Variants in ERBB2 observed in about 807,000 individuals in gnomAD.
ERBB2 encodes receptor tyrosine-protein kinase erbB-2.
A neutral mutation model predicts 149.0 loss-of-function variants in ERBB2; 61 were observed. That is an observed-to-expected ratio of 0.41 (90% CI 0.33 to 0.51). The LOEUF (loss-of-function observed/expected upper bound fraction) is 0.51, where lower values mean the gene tolerates loss of function less well. ERBB2 is among the 20% of genes least tolerant of loss of function. The probability of loss-of-function intolerance (pLI) is 0.25; values close to 1 mark genes in which losing one functional copy is unlikely to be tolerated. For missense variants in ERBB2, 1,205 were observed against 1,655.1 expected (o/e 0.73, Z 4.72); for synonymous variants, 633 against 678.8 (o/e 0.93, Z 1.05).
Position 39,709,522 on chromosome 17 carries a change from C to T in ERBB2, c.574+70C>T, listed in dbSNP as rs920312507. 3 of 1,564,034 alleles carry T rather than the reference C, an allele frequency of 1.9e-6. No individual in the cohort carries two copies. The African/African-American group carries it at 4.1e-5, about 21-fold the overall frequency. ...ACCCCAGCCGCAAACTCCCAACTTA[C>T]AACCCAGTGCCTGCCCGCCACTGCC... is the stretch of plus-strand genomic sequence containing the variant. On this transcript the variant is annotated intron_variant, in intron 4 of 26. Coordinates refer to ENST00000269571, the MANE Select transcript of ERBB2 (RefSeq NM_004448.4).
chr17:39,723,170 G>A lies in ERBB2; in HGVS notation c.1947-149G>A. On this transcript the variant is annotated intron_variant, in intron 16 of 26. Coordinates refer to ENST00000269571, the MANE Select transcript of ERBB2 (RefSeq NM_004448.4). This position sits in a 1 kb window ranked among gnomAD's most constrained non-coding sequence, Gnocchi z 6.2. The stretch of plus-strand genomic sequence containing the variant: ...TGGAGGCAGCGGGGAGCCAAGGCAG[G>A]TTTTAGAGTAGGAGAGGGTCCAAGC... The A allele has an allele frequency of 3.9e-6, 3 of 779,088 alleles. No homozygotes were observed. In the South Asian group the frequency reaches 5.3e-5, roughly 14 times the overall value. 48.3% of individuals were successfully genotyped at this position (779,088 alleles called of 1,614,324 possible).
chr17:39,724,951 C>T (rs2145856624), intron 20 of ERBB2, 40 bp downstream of exon 20: 1 of 1,608,334 alleles, frequency 6.2e-7, no homozygotes, highest in Non-Finnish European at 8.5e-7. Flanking sequence ...CCGGAGCAAA[C>T]CCCTATGTCC....
chr17:39,715,031 G>T lies in ERBB2; in HGVS notation c.1149-255G>T, dbSNP rs1442336131. Among the ~76,000 whole-genome samples the T allele has an allele frequency of 2.0e-5, 3 of 152,212 alleles. No homozygotes were observed. The East Asian group carries it at 5.8e-4, about 29-fold the overall frequency. Reference sequence around the variant, plus strand: ...GATCCGCCCGCCTCGGCCTCCCAAAGTGCTGGGATTACAGGCGTGAGCCAC... The same window carrying T: ...GATCCGCCCGCCTCGGCCTCCCAAATTGCTGGGATTACAGGCGTGAGCCAC... On this transcript the variant is annotated intron_variant, in intron 9 of 26. Coordinates refer to ENST00000269571, the MANE Select transcript of ERBB2 (RefSeq NM_004448.4).
chr17:39,711,199 CT>C (rs981029281), intron 7 of ERBB2, among the ~76,000 whole-genome samples: 185 of 144,628 alleles, frequency 1.3e-3, no homozygotes, highest in Middle Eastern at 3.7e-3. Flanking sequence ...TGCACCCGGA[CT>C]TTTTTTTTTT....
At chr17:39,718,732 C>T (rs1447492076) in intron 15 of ERBB2, among the ~76,000 whole-genome samples, 4 of 151,978 alleles carry the variant, frequency 2.6e-5, no homozygotes, top group Admixed American at 6.6e-5. Context: ...GACGGATCTA[C>T]CACCTTTATT....
At chr17:39,716,477 C>T (rs2059135404) in intron 13 of ERBB2, 38 bp from the exon 14 acceptor site, 2 of 1,613,418 alleles carry the variant, frequency 1.2e-6, no homozygotes, top group Non-Finnish European at 1.7e-6. Flanking sequence ...GTGCATGGGG[C>T]TCCTCTCAGA....
chr17:39,705,805 A>C (rs1344611644), intron 1 of ERBB2, among the ~76,000 whole-genome samples: 3 of 152,172 alleles, frequency 2.0e-5, no homozygotes, highest in Admixed American at 6.5e-5. Context: ...ACCCCAAGCC[A>C]GCCCTTGTGC....
At chr17:39,711,830 G>C in intron 7 of ERBB2, 98 bp from the exon 8 acceptor site, 1 of 1,437,592 alleles carries the variant, frequency 7.0e-7, no homozygotes, top group South Asian at 1.2e-5. Flanking sequence ...TTTAAGTATT[G>C]GTTGATATTA....
intron 9 of ERBB2, among the ~76,000 whole-genome samples, chr17:39,713,798 G>A (rs1489339608): frequency 6.7e-6 from 1 of 148,958 alleles, no homozygotes; most frequent in Non-Finnish European, 1.5e-5. Context: ...GTGCACACCT[G>A]TAATCCCAGC....
At chr17:39,714,364 C>T (rs1474584153) in intron 9 of ERBB2, among the ~76,000 whole-genome samples, 1 of 152,168 alleles carries the variant, frequency 6.6e-6, no homozygotes, top group African/African-American at 2.4e-5. Flanking sequence ...AGAGCCCAGA[C>T]TTGGGAGCCA....
Position 39,725,637 on chromosome 17 carries a change from G to A in ERBB2, c.2726-70G>A, listed in dbSNP as rs1159592354. On this transcript the variant is annotated intron_variant, in intron 22 of 26. Transcript: ENST00000269571. This position sits in a 1 kb window ranked among gnomAD's most constrained non-coding sequence, Gnocchi z 4.6. Reference sequence around the variant, plus strand: ...ACCTGCCATGATGCTAGACTCCTGAGCAGAACCTCTGGCTCAGTACACTAA... The same window carrying A: ...ACCTGCCATGATGCTAGACTCCTGAACAGAACCTCTGGCTCAGTACACTAA... The A allele has an allele frequency of 6.6e-7, 1 of 1,517,002 alleles. No individual in the cohort carries two copies. The highest frequency in any genetic ancestry group is 8.9e-7 in the Non-Finnish European group (1 of 1,119,208). The allele number at this position is 1,517,002 out of a possible 1,614,324, so 94.0% of individuals were successfully genotyped here.
rs2059674522 is a variant in ERBB2 at position 39,725,051 on chromosome 17, G to C, written c.2496G>C (p.Gly832=). The part of the protein sequence containing the change: ...LLNWCMQIAK[G]MSYLEDVRLV... ...TACATGGGTGCTTCCCATTCCAGGG[G>C]ATGAGCTACCTGGAGGATGTGCGGC... Residue 832 remains glycine (G), a splice_region_variant and synonymous_variant, in exon 21 of 27, where the codon GGG becomes GGC. Transcript: ENST00000269571. This position sits in a 1 kb window ranked among gnomAD's most constrained non-coding sequence, Gnocchi z 4.6. 6.2e-7 allele frequency: 1 copy of C among 1,614,052 alleles called. No individual in the cohort carries two copies. Among genetic ancestry groups the C allele is most frequent in the African/African-American group, 1.3e-5 (1 of 74,926 alleles).
intron 1 of ERBB2, among the ~76,000 whole-genome samples, chr17:39,704,241 G>C (rs1481489640): frequency 1.3e-5 from 2 of 152,234 alleles, no homozygotes; most frequent in East Asian, 3.9e-4. Context: ...GGGTCCTGGA[G>C]ACAAGGACAC....
chr17:39,689,900 CAA>C (rs77805136), intron 2 of ERBB2, among the ~76,000 whole-genome samples: 24 of 47,418 alleles, frequency 5.1e-4, no homozygotes, highest in Admixed American at 9.3e-4. Context: ...GAGCGAAACT[CAA>C]AAAAAAAAAA....
Position 39,705,845 on chromosome 17 carries a change from A to G in ERBB2, c.74-1145A>G, listed in dbSNP as rs4252603. 2.8e-3 allele frequency among the ~76,000 whole-genome samples: 421 copies of G among 152,272 alleles called. 9 individuals carry two copies. The highest frequency in any genetic ancestry group is 0.026 in the Admixed American group (395 of 15,298). ...CCTGAATCTGCATGTAGCCTGTGGGAGGCGGAGCAGTGACCGGCAGGAATT... is the reference window on the plus strand; with the variant it reads ...CCTGAATCTGCATGTAGCCTGTGGGGGGCGGAGCAGTGACCGGCAGGAATT... On this transcript the variant is annotated intron_variant, in intron 1 of 26. Coordinates refer to ENST00000269571, the MANE Select transcript of ERBB2 (RefSeq NM_004448.4).
At chr17:39,713,540 C>T (rs1344883545) in intron 9 of ERBB2, among the ~76,000 whole-genome samples, 1 of 151,532 alleles carries the variant, frequency 6.6e-6, no homozygotes, top group Non-Finnish European at 1.5e-5. Context: ...CACTTGAGGT[C>T]AGGAGTTCAA....
upstream of ERBB2, among the ~76,000 whole-genome samples, chr17:39,694,324 CAT>C (rs1334389768): frequency 3.0e-4 from 33 of 110,862 alleles, no homozygotes; most frequent in Admixed American, 5.2e-4. Flanking sequence ...TACACACACA[CAT>C]ATATATGTGT....
Position 39,727,170 on chromosome 17 carries a change from C to A in ERBB2, c.3160-125C>A. 1 of 1,311,450 alleles carries A rather than the reference C, an allele frequency of 7.6e-7. No individual in the cohort carries two copies. The highest frequency in any genetic ancestry group is 2.2e-5 in the Admixed American group (1 of 45,490). The allele number at this position is 1,311,450 out of a possible 1,614,324, so 81.2% of individuals were successfully genotyped here. A position where few individuals can be genotyped will look rare whatever the true frequency, so the allele number is the denominator to read the frequency against. On this transcript the variant is annotated intron_variant, in intron 25 of 26. Transcript: ENST00000269571. The surrounding 1 kb of genome is among the most constrained non-coding windows in gnomAD (Gnocchi z 4.3). ...CCAACCCCTGTGACCCCATTCTCTC[C>A]ACGGTGACTGTGTCATACCCCAAAG...
At chr17:39,697,355 T>TTG (rs1245338927), upstream of ERBB2, among the ~76,000 whole-genome samples, 42 of 125,084 alleles carry the variant, frequency 3.4e-4, no homozygotes, top group African/African-American at 1.5e-3. Context: ...TTTTGTTTTG[T>TTG]TTTTTTTTTT....
Sources: allele counts gnomAD v4.1 joint callset (sites outside exome capture counted in the v4.1 genomes callset), GRCh38; gene constraint gnomAD v4.1.1; non-coding constraint Gnocchi (gnomAD v3.1); transcripts MANE v1.5; gene names NCBI Gene and HGNC (gene_info 2026-07-23, HGNC 2026-07-21).